MYO1C: variants seen among roughly 807,000 people sequenced by gnomAD.
MYO1C encodes the protein unconventional myosin-Ic.
In MYO1C, 104 loss-of-function variants were observed where a neutral mutation model predicts 150.8. That is an observed-to-expected ratio of 0.69 (90% CI 0.59 to 0.81). MYO1C has a LOEUF of 0.81. MYO1C is among the 30% of genes least tolerant of loss of function. MYO1C has a pLI of 0.00. For synonymous variants in MYO1C, 663 were observed against 579.9 expected (o/e 1.14, Z -2.06); for missense variants, 1,504 against 1,435.0 (o/e 1.05, Z -0.78).
At position 1,464,838 on chromosome 17, in the gene MYO1C, A is replaced by G. The variant is rs1299027757; in HGVS notation, c.*888T>C. The G allele has an allele frequency of 6.9e-6, 1 of 143,966 alleles. No homozygotes were observed. Among genetic ancestry groups the G allele is most frequent in the Non-Finnish European group, 1.5e-5 (1 of 66,622 alleles). 8.9% of individuals were successfully genotyped at this position (143,966 alleles called of 1,614,324 possible). On this transcript the variant is annotated 3_prime_UTR_variant, in exon 32 of 32. Coordinates refer to ENST00000648651, the MANE Select transcript of MYO1C (RefSeq NM_001080779.2). Reference sequence around the variant, plus strand: ...TTCTTTTTTTTTTTTTTTAAGACGGAGTCTCGCTCTGTTGCCCAGGCTGGA... The same window carrying G: ...TTCTTTTTTTTTTTTTTTAAGACGGGGTCTCGCTCTGTTGCCCAGGCTGGA...
Position 1,471,154 on chromosome 17 carries a change from G to C in MYO1C, c.2136-7C>G, listed in dbSNP as rs890754271. The C allele has an allele frequency of 2.5e-6, 4 of 1,613,988 alleles. No individual in the cohort carries two copies. The highest frequency in any genetic ancestry group is 2.2e-5 in the East Asian group (1 of 44,882). On this transcript the variant is annotated splice_polypyrimidine_tract_variant and splice_region_variant and intron_variant, in intron 20 of 31. Coordinates refer to ENST00000648651, the MANE Select transcript of MYO1C (RefSeq NM_001080779.2). ...GCGGATGAAGATCTTGGTCCTGGGA[G>C]AGCAGTAGTGATCAGCCCGGGGTTG...
At position 1,483,719 on chromosome 17, in the gene MYO1C, T is replaced by C; in HGVS notation, c.238A>G (p.Ile80Val). The C allele has an allele frequency of 1.9e-6, 3 of 1,610,236 alleles. No individual in the cohort carries two copies. The highest frequency in any genetic ancestry group is 2.5e-6 in the Non-Finnish European group (3 of 1,178,340). The change falls in exon 3 of 32, where the codon ATT becomes GTT. Residue 80 changes from isoleucine (I) to valine (V), a missense_variant. Coordinates refer to ENST00000648651, the MANE Select transcript of MYO1C (RefSeq NM_001080779.2). The stretch of plus-strand genomic sequence containing the variant: ...TTGACAGAGACCAGGACGGGGCCAA[T>C]GTAGGTCTGGGATCGGGGGAAGAGG... ...RFRENLIYTY[I>V]GPVLVSVNPY... is the part of the protein sequence containing the mutation.
rs531656182 is a variant in MYO1C at position 1,467,550 on chromosome 17, C to T, written c.2995G>A (p.Val999Met). 5.0e-6 allele frequency: 8 copies of T among 1,613,588 alleles called. No homozygotes were observed. Among genetic ancestry groups the T allele is most frequent in the South Asian group, 2.2e-5 (2 of 91,090 alleles). ...KGDVVLQSDH[V>M]IETLTKTALS... ...GCTGTCTTGGTCAGCGTCTCAATCA[C>T]GTGGTCACTCTGCAGCACCACATCT... The change falls in exon 30 of 32, where the codon GTG becomes ATG. Residue 999 changes from valine to methionine, a missense_variant. Physicochemically the swap from Val to Met is conservative, Grantham distance 21 (BLOSUM62 1). Coordinates refer to ENST00000648651, the MANE Select transcript of MYO1C (RefSeq NM_001080779.2).
At position 1,465,863 on chromosome 17, in the gene MYO1C, C is replaced by T. The variant is rs754574796; in HGVS notation, c.3166-111G>A. ...TTCCTTTTTATGGAGAATGGGGTCT[C>T]GCTATATTGTCCAGGCTGGTCTTGG... On this transcript the variant is annotated intron_variant, in intron 31 of 31. Transcript: ENST00000648651. 2.6e-5 allele frequency: 20 copies of T among 764,124 alleles called. No homozygotes were observed. In the Admixed American group the frequency reaches 3.5e-4, roughly 13 times the overall value. 47.3% of individuals were successfully genotyped at this position (764,124 alleles called of 1,614,324 possible). A position where few individuals can be genotyped will look rare whatever the true frequency, so the allele number is the denominator to read the frequency against.
chr17:1,489,211 C>T (rs754285403), intron 1 of MYO1C, among the ~76,000 whole-genome samples: 14 of 152,224 alleles, frequency 9.2e-5, no homozygotes, highest in Non-Finnish European at 1.3e-4. Context: ...CACCAAGGAC[C>T]GTTCCAGACC....
intron 25 of MYO1C, chr17:1,469,164 C>T (rs1019838801): frequency 1.7e-5 from 6 of 358,772 alleles, no homozygotes; most frequent in South Asian, 1.1e-4. Flanking sequence ...CCGGGGTAAA[C>T]AGAGTAGACC....
chr17:1,491,447 AC>A (rs891129765), intron 1 of MYO1C, among the ~76,000 whole-genome samples: 5,353 of 53,962 alleles, frequency 0.099, 272 homozygotes, highest in African/African-American at 0.21. Context: ...GGGTCGTGGG[AC>A]CCCCCCCCCC....
chr17:1,492,244 C>T (rs1017490793), intron 1 of MYO1C, among the ~76,000 whole-genome samples, 169 bp downstream of exon 1: 2 of 152,246 alleles, frequency 1.3e-5, no homozygotes, highest in African/African-American at 4.8e-5. Flanking sequence ...GTGGCCCTTG[C>T]ATCCTTACTC....
intron 5 of MYO1C, among the ~76,000 whole-genome samples, chr17:1,481,920 G>A (rs576733390): frequency 1.9e-4 from 29 of 151,762 alleles, no homozygotes; most frequent in South Asian, 4.2e-4. Context: ...TTCTCTGGCC[G>A]CTGTGGCCTC....
At position 1,466,879 on chromosome 17, in the gene MYO1C, G is replaced by A. The variant is rs113458372; in HGVS notation, c.3165+363C>T. On this transcript the variant is annotated intron_variant, in intron 31 of 31. Transcript: ENST00000648651. ...TGATCTCGGGTGATCCACACACCTCGGCCTCCCAAAGTGCTGGGATTAAAG... is the reference window on the plus strand; with the variant it reads ...TGATCTCGGGTGATCCACACACCTCAGCCTCCCAAAGTGCTGGGATTAAAG... 6.0e-3 allele frequency among the ~76,000 whole-genome samples: 901 copies of A among 150,830 alleles called. 4 individuals carry two copies. The highest frequency in any genetic ancestry group is 1.0e-2 in the Non-Finnish European group (676 of 67,616).
intron 21 of MYO1C, 120 bp downstream of exon 21, chr17:1,470,951 G>A (rs1381822344): frequency 8.6e-7 from 1 of 1,156,776 alleles, no homozygotes; most frequent in East Asian, 2.5e-5. Flanking sequence ...CCCTGGAGCT[G>A]GGCGTGGGGC....
chr17:1,480,804 A>C lies in MYO1C; in HGVS notation c.709T>G (p.Phe237Val), dbSNP rs764178839. The change falls in exon 6 of 32, where the codon TTC becomes GTC. Residue 237 changes from phenylalanine (F) to valine (V), a missense_variant. Coordinates refer to ENST00000648651, the MANE Select transcript of MYO1C (RefSeq NM_001080779.2). ...TCCAGCAGCTGGTAGAAGATGTGGA[A>C]GTTCCGCTCCCCATGATTCTGGTGC... ...VVHQNHGERN[F>V]HIFYQLLEGG... 1.2e-6 allele frequency: 2 copies of C among 1,614,108 alleles called. No individual in the cohort carries two copies. Among genetic ancestry groups the C allele is most frequent in the Non-Finnish European group, 1.7e-6 (2 of 1,180,002 alleles).
At chr17:1,483,474 G>C (rs1207875447) in intron 3 of MYO1C, 136 bp downstream of exon 3, 6 of 682,442 alleles carry the variant, frequency 8.8e-6, no homozygotes, top group South Asian at 1.7e-5. Flanking sequence ...CTGGTCACTG[G>C]GGGGCAAGAG....
At position 1,467,484 on chromosome 17, in the gene MYO1C, C is replaced by G. The variant is rs770047205; in HGVS notation, c.3061G>C (p.Gly1021Arg). ...CGGGGGCCGCCCGCGCCTCACCTGC[C>G]CTGGTTGATGTTGATGCTGTTCACG... Reference protein sequence around the residue: ...NRVNSININQGSITFAGGPGR... With the variant: ...NRVNSININQRSITFAGGPGR... Residue 1021 changes from glycine (G) to arginine (R), a missense_variant, in exon 30 of 32, where the codon GGC becomes CGC. By Grantham distance (125) the Gly-to-Arg change is moderately radical. Transcript: ENST00000648651. 6.2e-7 allele frequency: 1 copy of G among 1,613,270 alleles called. No homozygotes were observed. Among genetic ancestry groups the G allele is most frequent in the South Asian group, 1.1e-5 (1 of 91,058 alleles).
At chr17:1,484,036 G>C (rs1159051478) in intron 2 of MYO1C, 112 bp downstream of exon 2, 1 of 1,311,048 alleles carries the variant, frequency 7.6e-7, no homozygotes, top group Non-Finnish European at 1.1e-6. Flanking sequence ...GAGTGAAACT[G>C]TCTCAAAAAA....
rs118068886 is a variant in MYO1C, at chr17:1,467,459, C to T, written c.3065+21G>A. 81,505 of 1,610,758 alleles carry T rather than the reference C, an allele frequency of 0.051. 2,418 individuals carry two copies. Among genetic ancestry groups the T allele is most frequent in the Non-Finnish European group, 0.062 (72,546 of 1,179,198 alleles). The stretch of plus-strand genomic sequence containing the variant: ...CCCCTCGCCACCCCCGCCCTGTCCC[C>T]GGGGGCCGCCCGCGCCTCACCTGCC... On this transcript the variant is annotated intron_variant, in intron 30 of 31. Transcript: ENST00000648651.
At chr17:1,468,824 T>G in intron 25 of MYO1C, 1 of 445,964 alleles carries the variant, frequency 2.2e-6, no homozygotes, top group Non-Finnish European at 4.2e-6. Flanking sequence ...AGATCACTAA[T>G]ACTCAAGGTT....
chr17:1,478,116 G>A lies in MYO1C; in HGVS notation c.1372C>T (p.Gln458Ter). The change falls in exon 12 of 32, where the codon CAG (glutamine) becomes TAG (stop). Residue 458 changes from glutamine (Q) to a stop codon, truncating the protein, a stop_gained. Coordinates refer to ENST00000648651, the MANE Select transcript of MYO1C (RefSeq NM_001080779.2). LOFTEE classifies it high-confidence loss of function. This position sits in a 1 kb window ranked among gnomAD's most constrained non-coding sequence, Gnocchi z 6.3. ...LFIELTLKSEQEEYEAEGIAW... is the reference protein window; with the variant it reads ...LFIELTLKSE Reference sequence around the variant, plus strand: ...ATGCCCTCTGCCTCGTACTCCTCCTGCTCCGACTTGAGCGTGAGCTCGATG... The same window carrying A: ...ATGCCCTCTGCCTCGTACTCCTCCTACTCCGACTTGAGCGTGAGCTCGATG... 1 of 1,614,092 alleles carries A rather than the reference G, an allele frequency of 6.2e-7. No individual in the cohort carries two copies. The highest frequency in any genetic ancestry group is 8.5e-7 in the Non-Finnish European group (1 of 1,180,046).
chr17:1,466,565 T>C, intron 31 of MYO1C, among the ~76,000 whole-genome samples: 1 of 151,320 alleles, frequency 6.6e-6, no homozygotes, highest in East Asian at 1.9e-4. Flanking sequence ...CAACCTCAGG[T>C]GATCCACTTG....
Sources: allele counts gnomAD v4.1 joint callset (sites outside exome capture counted in the v4.1 genomes callset), GRCh38; gene constraint gnomAD v4.1.1; non-coding constraint Gnocchi (gnomAD v3.1); transcripts MANE v1.5; gene names NCBI Gene and HGNC (gene_info 2026-07-23, HGNC 2026-07-21).